The following ABI1 variants were observed in gnomAD, a reference collection of about 807,000 sequenced individuals.
ABI1 encodes the protein Abelson interactor 1.
A neutral mutation model predicts 54.6 loss-of-function variants in ABI1; 14 were observed. The observed-to-expected ratio is 0.26, with a 90% CI of 0.17 to 0.40. ABI1 has a LOEUF of 0.40. ABI1 is among the 10% of genes least tolerant of loss of function. The pLI, the probability that ABI1 is intolerant of heterozygous loss-of-function variation, is 1.00. For missense variants in ABI1, 443 were observed against 598.3 expected (o/e 0.74, Z 2.71); for synonymous variants, 194 against 209.3 (o/e 0.93, Z 0.63).
intron 2 of ABI1, among the ~76,000 whole-genome samples, chr10:26,808,830 G>T (rs2047039175): frequency 6.6e-6 from 1 of 152,080 alleles, no homozygotes; most frequent in South Asian, 2.1e-4. Context: ...GAAGAAAGGG[G>T]GAGGGGACAG....
chr10:26,822,123 T>A (rs1438953661), intron 2 of ABI1, among the ~76,000 whole-genome samples: 1 of 151,992 alleles, frequency 6.6e-6, no homozygotes, highest in Non-Finnish European at 1.5e-5. Context: ...AAATTCCTAA[T>A]ACACACACAA....
chr10:26,821,889 A>G (rs947572286), intron 2 of ABI1, among the ~76,000 whole-genome samples: 8 of 152,202 alleles, frequency 5.3e-5, no homozygotes, highest in Non-Finnish European at 1.0e-4. Context: ...AAATTCCTAG[A>G]AAGATAAAAA....
intron 1 of ABI1, among the ~76,000 whole-genome samples, chr10:26,847,543 G>C (rs11813623): frequency 6.6e-6 from 1 of 152,140 alleles, no homozygotes; most frequent in African/African-American, 2.4e-5. Flanking sequence ...AGGATTGCTT[G>C]AGCCCAGGAG....
rs574364812 is a variant in ABI1, at chr10:26,778,111, G to C, written c.286-870C>G. On this transcript the variant is annotated intron_variant, in intron 2 of 10. Coordinates refer to ENST00000376140, the MANE Select transcript of ABI1 (RefSeq NM_001012750.3). ...AAGGCAGAGAGAATAACATCCTGCA[G>C]ACAAAGGTTTAAGAGAGAAAAATGG... Among the ~76,000 whole-genome samples, 3 of 152,184 alleles carry C rather than the reference G, an allele frequency of 2.0e-5. No individual in the cohort carries two copies. In the South Asian group the frequency reaches 6.2e-4, roughly 32 times the overall value.
At chr10:26,846,510 T>A (rs2049991039) in intron 1 of ABI1, among the ~76,000 whole-genome samples, 1 of 151,884 alleles carries the variant, frequency 6.6e-6, no homozygotes, top group African/African-American at 2.4e-5. Context: ...GTCTGGCTAA[T>A]GTTTGTATTT....
chr10:26,810,807 C>G (rs563577719), intron 2 of ABI1, among the ~76,000 whole-genome samples: 2 of 147,136 alleles, frequency 1.4e-5, no homozygotes, highest in Non-Finnish European at 3.0e-5. Flanking sequence ...TTTAGTACAC[C>G]TGTTCTTTTA....
intron 9 of ABI1, among the ~76,000 whole-genome samples, chr10:26,754,811 AT>A (rs759786568): frequency 6.6e-5 from 10 of 152,192 alleles, no homozygotes; most frequent in Non-Finnish European, 1.3e-4. Flanking sequence ...TAATAGTGGT[AT>A]TTTTCACTTT....
chr10:26,747,019 A>ATACTT lies in ABI1; in HGVS notation c.*1546_*1550dup, dbSNP rs763296299. 4.4e-6 allele frequency: 1 copy of ATACTT among 225,836 alleles called. No individual in the cohort carries two copies. The highest frequency in any genetic ancestry group is 8.8e-6 in the Non-Finnish European group (1 of 113,116). The allele number at this position is 225,836 out of a possible 1,614,324, so 14.0% of individuals were successfully genotyped here. ...GAAGGTAGCTAGCTGATCACTAATG[A>ATACTT]TACTTTGTTTGTTTAAAATTAACAA... is the stretch of plus-strand genomic sequence containing the variant. On this transcript the variant is annotated 3_prime_UTR_variant, in exon 11 of 11. Transcript: ENST00000376140.
chr10:26,831,291 C>T (rs548581354), intron 1 of ABI1, among the ~76,000 whole-genome samples: 1 of 151,992 alleles, frequency 6.6e-6, no homozygotes, highest in South Asian at 2.1e-4. Context: ...ATCTGTAATC[C>T]CAGCAGTTTG....
rs1486389697 is a variant in ABI1, at chr10:26,747,362, T to A, written c.*1208A>T. On this transcript the variant is annotated 3_prime_UTR_variant, in exon 11 of 11. Transcript: ENST00000376140. ...GCATTTTGATTATGTCAAAAGACAATCCAAGTCTGTTGGTTAGGTAAATCT... is the reference window on the plus strand; with the variant it reads ...GCATTTTGATTATGTCAAAAGACAAACCAAGTCTGTTGGTTAGGTAAATCT... 1 of 224,912 alleles carries A rather than the reference T, an allele frequency of 4.4e-6. No individual in the cohort carries two copies. The highest frequency in any genetic ancestry group is 2.2e-5 in the African/African-American group (1 of 44,918). 13.9% of individuals were successfully genotyped at this position (224,912 alleles called of 1,614,324 possible). A position where few individuals can be genotyped will look rare whatever the true frequency, so the allele number is the denominator to read the frequency against.
At chr10:26,852,342 G>C (rs2050461176) in intron 1 of ABI1, among the ~76,000 whole-genome samples, 1 of 152,074 alleles carries the variant, frequency 6.6e-6, no homozygotes, top group Non-Finnish European at 1.5e-5. Context: ...AGCCAGGCGT[G>C]GTGGCGCATC....
chr10:26,774,836 A>T (rs1303148232), intron 3 of ABI1, among the ~76,000 whole-genome samples: 1 of 151,950 alleles, frequency 6.6e-6, no homozygotes, highest in African/African-American at 2.4e-5. Flanking sequence ...TATAATTTTT[A>T]AAATTCTGTA....
chr10:26,833,354 CCAATA>C (rs1386577169), intron 1 of ABI1, among the ~76,000 whole-genome samples: 1 of 152,124 alleles, frequency 6.6e-6, no homozygotes, highest in Non-Finnish European at 1.5e-5. Flanking sequence ...CAGGGTATTC[CCAATA>C]ACTAGATAAT....
At chr10:26,844,906 A>G (rs908964020) in intron 1 of ABI1, among the ~76,000 whole-genome samples, 2 of 152,310 alleles carry the variant, frequency 1.3e-5, no homozygotes, top group Admixed American at 6.5e-5. Context: ...CAAATGTGAC[A>G]GTCCTCTAAC....
At chr10:26,830,374 C>T (rs911992386) in intron 1 of ABI1, among the ~76,000 whole-genome samples, 26 of 152,228 alleles carry the variant, frequency 1.7e-4, no homozygotes, top group African/African-American at 4.8e-4. Flanking sequence ...GTAATCTCAG[C>T]ATTTTGGGAG....
intron 1 of ABI1, among the ~76,000 whole-genome samples, chr10:26,850,479 G>A (rs1029912568): frequency 1.3e-5 from 2 of 151,862 alleles, no homozygotes; most frequent in African/African-American, 4.8e-5. Flanking sequence ...CCAACACGGT[G>A]AAACCCTGTC....
intron 1 of ABI1, among the ~76,000 whole-genome samples, chr10:26,857,656 A>AC (rs1287102287): frequency 6.6e-6 from 1 of 151,566 alleles, no homozygotes; most frequent in Admixed American, 6.6e-5. Flanking sequence ...AAAAAAAAAA[A>AC]AAAAAACTTT....
At position 26,765,299 on chromosome 10, in the gene ABI1, C is replaced by T. The variant is rs1381139144; in HGVS notation, c.739G>A (p.Gly247Arg). 1.3e-6 allele frequency: 2 copies of T among 1,587,932 alleles called. No homozygotes were observed. Among genetic ancestry groups the T allele is most frequent in the Non-Finnish European group, 1.7e-6 (2 of 1,172,710 alleles). Residue 247 changes from glycine to arginine, a missense_variant, in exon 7 of 11, where the codon GGA becomes AGA. Around this residue, in one of 2 missense-constraint regions of ABI1, gnomAD observed 394 missense variants for 484.8 expected, o/e 0.81. Transcript: ENST00000376140. ...CTGCTACCACTGTTTTCTCGACTTC[C>T]ACTTCCTCCACTACTTCCACTGAAA... ...RTHSGSSGGS[G>R]SRENSGSSSI...
chr10:26,795,452 T>C (rs1588900430), intron 2 of ABI1, among the ~76,000 whole-genome samples: 3 of 152,112 alleles, frequency 2.0e-5, no homozygotes. Flanking sequence ...AAGGAAGTAG[T>C]AAAATTATCT....
Sources: gnomAD v4.1 joint callset for allele counts (sites outside exome capture counted in the v4.1 genomes callset) on GRCh38, gnomAD v4.1.1 for gene constraint, gnomAD v4.1.1 regional missense constraint, MANE v1.5 for transcripts, NCBI Gene and HGNC (gene_info 2026-07-23, HGNC 2026-07-21) for gene names.